Variants in LIPM observed in about 807,000 individuals in gnomAD.
The protein encoded by LIPM is lipase member M.
A neutral mutation model predicts 42.4 loss-of-function variants in LIPM; 42 were observed. That is an observed-to-expected ratio of 0.99 (90% CI 0.77 to 1.28). LIPM has a LOEUF of 1.28. Ranked by LOEUF, LIPM falls within the 50% of genes most tolerant of loss-of-function variation. LIPM has a pLI of 0.00. For synonymous variants in LIPM, 177 were observed against 173.3 expected (o/e 1.02, Z -0.17); for missense variants, 524 against 520.1 (o/e 1.01, Z -0.07).
At chr10:88,819,382 A>T (rs1177508028) in intron 8 of LIPM, among the ~76,000 whole-genome samples, 3 of 152,344 alleles carry the variant, frequency 2.0e-5, no homozygotes, top group East Asian at 1.9e-4. Flanking sequence ...TGACAAAAAA[A>T]ATTACTAGCC....
At chr10:88,819,434 A>G (rs2133064855) in intron 8 of LIPM, among the ~76,000 whole-genome samples, 1 of 152,306 alleles carries the variant, frequency 6.6e-6, no homozygotes, top group East Asian at 1.9e-4. Flanking sequence ...TTAGGCCATA[A>G]CTGAGCCACA....
At chr10:88,805,085 AT>A (rs34871349) in intron 1 of LIPM, among the ~76,000 whole-genome samples, 29,380 of 152,072 alleles carry the variant, frequency 0.19, 2,912 homozygotes, top group Non-Finnish European at 0.21. Context: ...TTATGCATGT[AT>A]TTTTTAAGCA....
intron 1 of LIPM, 148 bp downstream of exon 1, chr10:88,803,191 GC>G (rs900161410): frequency 2.8e-5 from 25 of 901,028 alleles, no homozygotes; most frequent in Non-Finnish European, 3.9e-5. Context: ...TGGAAAGAAT[GC>G]TAAACTGGAT....
intron 1 of LIPM, among the ~76,000 whole-genome samples, chr10:88,804,407 G>GA (rs1341095528): frequency 5.3e-5 from 8 of 152,094 alleles, no homozygotes; most frequent in South Asian, 4.2e-4. Flanking sequence ...GCTATGCCTG[G>GA]AAAAAAACAA....
chr10:88,803,348 C>T (rs1843550250), intron 1 of LIPM, among the ~76,000 whole-genome samples: 1 of 152,146 alleles, frequency 6.6e-6, no homozygotes, highest in Non-Finnish European at 1.5e-5. Context: ...CTTTTAAGTT[C>T]ACCCCAGTCC....
chr10:88,810,248 C>A (rs1015196573), intron 2 of LIPM, among the ~76,000 whole-genome samples: 7 of 152,260 alleles, frequency 4.6e-5, no homozygotes, highest in Non-Finnish European at 7.4e-5. Flanking sequence ...GACACAGCCC[C>A]ACGAATCTCA....
chr10:88,815,978 G>A (rs1489641499), intron 6 of LIPM, among the ~76,000 whole-genome samples: 1 of 152,138 alleles, frequency 6.6e-6, no homozygotes, highest in Non-Finnish European at 1.5e-5. Flanking sequence ...ACAATGATTT[G>A]GGTCCTGCTC....
At chr10:88,819,190 C>G (rs1468047422) in intron 8 of LIPM, among the ~76,000 whole-genome samples, 1 of 151,960 alleles carries the variant, frequency 6.6e-6, no homozygotes, top group Non-Finnish European at 1.5e-5. Context: ...GTGCCCGGCC[C>G]TAAGATGGCT....
At chr10:88,807,938 T>A (rs1231089751) in intron 1 of LIPM, among the ~76,000 whole-genome samples, 2 of 152,182 alleles carry the variant, frequency 1.3e-5, no homozygotes, top group African/African-American at 4.8e-5. Flanking sequence ...AACATTAGGG[T>A]ACATCAAAAT....
At chr10:88,815,030 C>A in intron 4 of LIPM, 58 bp from the exon 5 acceptor site, 1 of 1,451,376 alleles carries the variant, frequency 6.9e-7, no homozygotes, top group Non-Finnish European at 9.2e-7. Context: ...GCAAAATATA[C>A]ATTTTATGAG....
intron 6 of LIPM, 109 bp from the exon 7 acceptor site, chr10:88,816,707 T>C (rs1589317409): frequency 1.4e-6 from 1 of 702,590 alleles, no homozygotes; most frequent in East Asian, 2.7e-5. Flanking sequence ...TGCTGATAAC[T>C]TAATAATGTT....
intron 1 of LIPM, 122 bp from the exon 2 acceptor site, chr10:88,808,176 C>T (rs983278713): frequency 1.6e-6 from 1 of 610,952 alleles, no homozygotes; most frequent in Non-Finnish European, 3.0e-6. Context: ...ACATGATTAG[C>T]TAGGGAAAAG....
chr10:88,802,933 C>T lies in LIPM; in HGVS notation c.37C>T (p.His13Tyr). ...CTTGTCAAGACAGTGGATTGTCTCA[C>T]ACAGAATGGAAATGTGGCTTCTGAT... ...ETLSRQWIVS[H>Y]RMEMWLLILV... Residue 13 changes from histidine (H) to tyrosine (Y), a missense_variant, in exon 1 of 9, where the codon CAC becomes TAC. Physicochemically the swap from His to Tyr is moderately conservative, Grantham distance 83 (BLOSUM62 2). Transcript: ENST00000404743. The T allele has an allele frequency of 6.4e-7, 1 of 1,550,982 alleles. No individual in the cohort carries two copies. Among genetic ancestry groups the T allele is most frequent in the Non-Finnish European group, 8.7e-7 (1 of 1,146,580 alleles).
intron 2 of LIPM, among the ~76,000 whole-genome samples, chr10:88,811,452 G>T (rs1260347765): frequency 6.6e-6 from 1 of 152,178 alleles, no homozygotes; most frequent in Non-Finnish European, 1.5e-5. Context: ...CACAAGTCCT[G>T]TTGAGGGCAT....
intron 5 of LIPM, 35 bp from the exon 6 acceptor site, chr10:88,815,318 TTCTG>T (rs1167394812): frequency 6.5e-7 from 1 of 1,549,322 alleles, no homozygotes; most frequent in Non-Finnish European, 8.7e-7. Context: ...GTCACATCTT[TTCTG>T]TCTGTCATGT....
chr10:88,814,248 C>G (rs2133058408), intron 3 of LIPM, among the ~76,000 whole-genome samples: 1 of 152,318 alleles, frequency 6.6e-6, no homozygotes, highest in South Asian at 2.1e-4. Context: ...CAGGACACTT[C>G]CACTAGCAGT....
intron 2 of LIPM, 85 bp from the exon 3 acceptor site, chr10:88,813,012 G>T (rs567757042): frequency 8.5e-7 from 1 of 1,172,174 alleles, no homozygotes; most frequent in Non-Finnish European, 1.2e-6. Flanking sequence ...ACACAGGTTT[G>T]TTTGATTTGA....
At position 88,814,602 on chromosome 10, in the gene LIPM, G is replaced by C. The variant is rs756271856; in HGVS notation, c.537G>C (p.Lys179Asn). 1 of 1,552,006 alleles carries C rather than the reference G, an allele frequency of 6.4e-7. No individual in the cohort carries two copies. Among genetic ancestry groups the C allele is most frequent in the Non-Finnish European group, 8.7e-7 (1 of 1,146,994 alleles). ...NFILQKTGQE[K>N]IYYVGYSQGT... is the part of the protein sequence containing the mutation. ...TTTTGCAGAAAACGGGCCAGGAAAAGATCTATTATGTCGGCTATTCACAGG... is the reference window on the plus strand; with the variant it reads ...TTTTGCAGAAAACGGGCCAGGAAAACATCTATTATGTCGGCTATTCACAGG... Residue 179 changes from lysine to asparagine, a missense_variant, in exon 4 of 9, where the codon AAG becomes AAC. Coordinates refer to ENST00000404743, the MANE Select transcript of LIPM (RefSeq NM_001128215.1).
chr10:88,820,159 C>A (rs1843769798), intron 8 of LIPM, 73 bp from the exon 9 acceptor site: 1 of 1,233,194 alleles, frequency 8.1e-7, no homozygotes, highest in Non-Finnish European at 1.1e-6. Context: ...TTTATTATGT[C>A]TATTTGAAAC....
Sources: gnomAD v4.1 joint callset for allele counts (sites outside exome capture counted in the v4.1 genomes callset) on GRCh38, gnomAD v4.1.1 for gene constraint, MANE v1.5 for transcripts, NCBI Gene and HGNC (gene_info 2026-07-23, HGNC 2026-07-21) for gene names.